PDPN: variants seen among roughly 807,000 people sequenced by gnomAD.
The protein encoded by PDPN is podoplanin, also known as PA2.26 antigen.
A neutral mutation model predicts 23.2 loss-of-function variants in PDPN; 12 were observed. The ratio of observed to expected loss-of-function variants is 0.52; its 90% CI spans 0.33 to 0.84. PDPN has a LOEUF of 0.84. Ranked by LOEUF, PDPN falls within the 40% of genes least tolerant of loss-of-function variation. PDPN has a pLI of 0.02. For missense variants in PDPN, 199 were observed against 212.2 expected, an observed-to-expected ratio of 0.94 and a Z score of 0.39; for synonymous variants, 77 against 76.7, an observed-to-expected ratio of 1.00 and a Z score of -0.02.
chr1:13,596,574 T>C (rs774934609), intron 1 of PDPN, among the ~76,000 whole-genome samples: 8 of 152,184 alleles, frequency 5.3e-5, no homozygotes, highest in Non-Finnish European at 1.0e-4. Flanking sequence ...AGCTCTGGGT[T>C]AGGGAGTGGC....
intron 1 of PDPN, among the ~76,000 whole-genome samples, chr1:13,598,953 C>T (rs1640566238): frequency 6.6e-6 from 1 of 150,554 alleles, no homozygotes; most frequent in South Asian, 2.1e-4. Context: ...GTATATGTGC[C>T]GTGGAAGAGG....
chr1:13,614,310 A>G lies in PDPN; in HGVS notation c.381A>G (p.Ser127=). The G allele has an allele frequency of 6.3e-7, 1 of 1,583,246 alleles. No individual in the cohort carries two copies. The highest frequency in any genetic ancestry group is 8.7e-7 in the Non-Finnish European group (1 of 1,152,366). ...TQTTVEKDGL[S]TVTLVGIIVG... is the part of the protein sequence containing the mutation. ...CTCTCTCTTGTTCAGATGGTTTGTC[A>G]ACAGTGACCCTGGTTGGAATCATAG... Residue 127 remains serine, a synonymous_variant, in exon 5 of 6, where the codon TCA becomes TCG. Transcript: ENST00000621990.
rs937076832 is a variant in PDPN, at chr1:13,616,950, C to G, written c.*1039C>G. ...CACTTTCTGCCTCTGAGGAAAGATACAGGGAACAAAAATCAATTTGTACAG... is the reference window on the plus strand; with the variant it reads ...CACTTTCTGCCTCTGAGGAAAGATAGAGGGAACAAAAATCAATTTGTACAG... On this transcript the variant is annotated 3_prime_UTR_variant, in exon 6 of 6. Coordinates refer to ENST00000621990, the MANE Select transcript of PDPN (RefSeq NM_006474.5). 2 of 152,156 alleles carry G rather than the reference C, an allele frequency of 1.3e-5. No homozygotes were observed. Among genetic ancestry groups the G allele is most frequent in the Admixed American group, 1.3e-4 (2 of 15,266 alleles). 9.4% of individuals were successfully genotyped at this position (152,156 alleles called of 1,614,324 possible). A position where few individuals can be genotyped will look rare whatever the true frequency, so the allele number is the denominator to read the frequency against.
chr1:13,592,675 A>G (rs1640380303), intron 1 of PDPN, among the ~76,000 whole-genome samples: 1 of 150,386 alleles, frequency 6.6e-6, no homozygotes, highest in Non-Finnish European at 1.5e-5. Flanking sequence ...TCAGCCTCCG[A>G]GTAGCTGGGA....
At chr1:13,585,491 C>G in intron 1 of PDPN, 1 of 1,337,906 alleles carries the variant, frequency 7.5e-7, no homozygotes, top group Non-Finnish European at 9.8e-7. Flanking sequence ...CAAATGACAC[C>G]GTTTTGTGCT....
rs1385377387 is a variant in PDPN at position 13,617,041 on chromosome 1, T to G, written c.*1130T>G. 2 of 152,150 alleles carry G rather than the reference T, an allele frequency of 1.3e-5. No homozygotes were observed. Among genetic ancestry groups the G allele is most frequent in the Non-Finnish European group, 2.9e-5 (2 of 68,028 alleles). 9.4% of individuals were successfully genotyped at this position (152,150 alleles called of 1,614,324 possible). ...AAATAGAAGACATCCCCAGTCCTCA[T>G]GACATACCGCAAATATCTGTGGGGT... On this transcript the variant is annotated 3_prime_UTR_variant, in exon 6 of 6. Transcript: ENST00000621990.
chr1:13,598,791 C>A (rs1640562489), intron 1 of PDPN, among the ~76,000 whole-genome samples: 1 of 152,132 alleles, frequency 6.6e-6, no homozygotes, highest in Non-Finnish European at 1.5e-5. Flanking sequence ...CTGGAACTCA[C>A]CCATTCACTC....
chr1:13,602,836 G>A (rs1440819672), intron 1 of PDPN, among the ~76,000 whole-genome samples: 1 of 152,006 alleles, frequency 6.6e-6, no homozygotes, highest in East Asian at 1.9e-4. Context: ...CGAAAGTGCT[G>A]GGATTACAGG....
chr1:13,614,277 CT>C, intron 4 of PDPN, 22 bp from the exon 5 acceptor site: 7 of 1,330,352 alleles, frequency 5.3e-6, no homozygotes, highest in Admixed American at 1.8e-5. Flanking sequence ...GGGGCTCATG[CT>C]TTTTTTCTCT....
At chr1:13,600,645 G>T (rs943752590) in intron 1 of PDPN, among the ~76,000 whole-genome samples, 1 of 152,158 alleles carries the variant, frequency 6.6e-6, no homozygotes. Flanking sequence ...GATTATAGAC[G>T]TGAGCCACCG....
In PDPN at chr1:13,601,962, GGTGCGGTGGCTC is replaced by G. The variant is rs1282487158; in HGVS notation, c.68-5210_68-5199del. ...ATTTGCAAAAGAAAGATGTAGGCCGGGTGCGGTGGCTCATGCCTTTGGGTGGCTCATGCCTTT... is the reference window on the plus strand; with the variant it reads ...ATTTGCAAAAGAAAGATGTAGGCCGGATGCCTTTGGGTGGCTCATGCCTTT... On this transcript the variant is annotated intron_variant, in intron 1 of 5. Coordinates refer to ENST00000621990, the MANE Select transcript of PDPN (RefSeq NM_006474.5). Among the ~76,000 whole-genome samples, 203 of 150,940 alleles carry G rather than the reference GGTGCGGTGGCTC, an allele frequency of 1.3e-3. 1 individual carries two copies. Among genetic ancestry groups the G allele is most frequent in the African/African-American group, 4.7e-3 (191 of 40,890 alleles).
chr1:13,584,213 C>T (rs1263792341), intron 1 of PDPN, 113 bp downstream of exon 1: 1 of 1,519,268 alleles, frequency 6.6e-7, no homozygotes, highest in South Asian at 1.2e-5. Context: ...CGCGGGGGAG[C>T]TGAGGGTGTG....
At chr1:13,592,468 T>C (rs1570017437) in intron 1 of PDPN, among the ~76,000 whole-genome samples, 1 of 152,116 alleles carries the variant, frequency 6.6e-6, no homozygotes, top group East Asian at 1.9e-4. Context: ...TTGTGTGGGC[T>C]ATGAAGTAGA....
chr1:13,593,590 G>T (rs1055592746), intron 1 of PDPN, among the ~76,000 whole-genome samples: 2 of 152,178 alleles, frequency 1.3e-5, no homozygotes, highest in South Asian at 4.1e-4. Flanking sequence ...GCACATTCCT[G>T]CAGGCCTCAT....
At chr1:13,609,956 C>T (rs950439347) in intron 2 of PDPN, among the ~76,000 whole-genome samples, 3 of 151,908 alleles carry the variant, frequency 2.0e-5, no homozygotes, top group Admixed American at 6.6e-5. Context: ...CCCAGCTACT[C>T]GGGAGGCTGA....
chr1:13,606,875 T>C (rs771574034), intron 1 of PDPN, among the ~76,000 whole-genome samples: 1 of 152,160 alleles, frequency 6.6e-6, no homozygotes, highest in Non-Finnish European at 1.5e-5. Flanking sequence ...AAAGGAAAGA[T>C]GTACGTCCCC....
In PDPN at chr1:13,583,986, A is replaced by C. The variant is rs769478918; in HGVS notation, c.-48A>C. The C allele has an allele frequency of 8.1e-6, 13 of 1,613,526 alleles. No homozygotes were observed. The highest frequency in any genetic ancestry group is 1.3e-5 in the African/African-American group (1 of 74,926). On this transcript the variant is annotated 5_prime_UTR_variant, in exon 1 of 6. Transcript: ENST00000621990. ...GTGCTTTTTAATTTTCCCCCAGCTC[A>C]GAATCTTGCTGCTCGGCCCCCAGGA...
intron 1 of PDPN, among the ~76,000 whole-genome samples, chr1:13,593,794 C>G (rs1640418024): frequency 6.6e-6 from 1 of 152,196 alleles, no homozygotes; most frequent in African/African-American, 2.4e-5. Flanking sequence ...TTGAGAAGCT[C>G]TGCTCCAGGA....
rs144382720 is a variant in PDPN, at chr1:13,616,193, T to C, written c.*282T>C. On this transcript the variant is annotated 3_prime_UTR_variant, in exon 6 of 6. Transcript: ENST00000621990. ...TCATAGAAAATGGAGCAAAACTGTA[T>C]AAACTGATTTGTAACTAACACTGGA... 1.8e-5 allele frequency: 9 copies of C among 511,600 alleles called. No individual in the cohort carries two copies. Among genetic ancestry groups the C allele is most frequent in the Admixed American group, 1.1e-4 (3 of 27,558 alleles). 31.7% of individuals were successfully genotyped at this position (511,600 alleles called of 1,614,324 possible).
Sources: allele counts gnomAD v4.1 joint callset (sites outside exome capture counted in the v4.1 genomes callset), GRCh38; gene constraint gnomAD v4.1.1; transcripts MANE v1.5; gene names NCBI Gene and HGNC (gene_info 2026-07-23, HGNC 2026-07-21).